Variants in PPP2R5C observed in about 807,000 individuals in gnomAD.
The protein encoded by PPP2R5C is serine/threonine-protein phosphatase 2A 56 kDa regulatory subunit gamma isoform.
A neutral mutation model predicts 68.9 loss-of-function variants in PPP2R5C; 7 were observed. That is an observed-to-expected ratio of 0.10 (90% CI 0.06 to 0.19). The LOEUF (loss-of-function observed/expected upper bound fraction) is 0.19, where lower values mean the gene tolerates loss of function less well. PPP2R5C is among the 10% of genes least tolerant of loss of function. PPP2R5C has a pLI of 1.00. For synonymous variants in PPP2R5C, 210 were observed against 222.2 expected (o/e 0.95, Z 0.49); for missense variants, 348 against 641.3 (o/e 0.54, Z 4.94).
chr14:101,812,282 C>T (rs1218952915), intron 1 of PPP2R5C, among the ~76,000 whole-genome samples: 3 of 152,192 alleles, frequency 2.0e-5, no homozygotes, highest in Non-Finnish European at 4.4e-5. Flanking sequence ...AGCATAGGAG[C>T]TCTGCCACGA....
chr14:101,924,860 T>G (rs941971122), intron 13 of PPP2R5C, among the ~76,000 whole-genome samples: 7 of 152,162 alleles, frequency 4.6e-5, no homozygotes, highest in African/African-American at 1.7e-4. Context: ...TTCTGCAAAT[T>G]AGAGGTACTG....
chr14:101,921,599 A>T (rs2047010433), intron 13 of PPP2R5C, among the ~76,000 whole-genome samples: 1 of 151,798 alleles, frequency 6.6e-6, no homozygotes, highest in South Asian at 2.1e-4. Flanking sequence ...GTAAGAAATG[A>T]TAGCTGAAAA....
intron 11 of PPP2R5C, among the ~76,000 whole-genome samples, chr14:101,911,900 T>C (rs2046413571): frequency 6.6e-6 from 1 of 151,266 alleles, no homozygotes; most frequent in Admixed American, 6.6e-5. Flanking sequence ...AAAAAAAAAC[T>C]TGGATCTGAG....
rs568461171 is a variant in PPP2R5C at position 101,811,871 on chromosome 14, T to A, written c.94+1835T>A. 2.0e-4 allele frequency among the ~76,000 whole-genome samples: 30 copies of A among 152,268 alleles called. No individual in the cohort carries two copies. The South Asian group carries it at 3.3e-3, about 17-fold the overall frequency. ...TCTTGAACCACATTGATTTTTTTTT[T>A]AAAATTCCAAGACCTTATTATGGCC... is the stretch of plus-strand genomic sequence containing the variant. On this transcript the variant is annotated intron_variant, in intron 1 of 13. Transcript: ENST00000334743.
Position 101,915,670 on chromosome 14 carries a change from C to G in PPP2R5C, c.1327-2161C>G, listed in dbSNP as rs2046631593. 6.6e-6 allele frequency among the ~76,000 whole-genome samples: 1 copy of G among 152,218 alleles called. No individual in the cohort carries two copies. Among genetic ancestry groups the G allele is most frequent in the Non-Finnish European group, 1.5e-5 (1 of 68,044 alleles). ...CTGTATCTCCCACCTGACTGTGAGC[C>G]CCCTCGAGGAAAGGTGCTGTGTCCT... On this transcript the variant is annotated intron_variant, in intron 12 of 13. Transcript: ENST00000334743. This position sits in a 1 kb window ranked among gnomAD's most constrained non-coding sequence, Gnocchi z 4.2.
rs562842182 is a variant in PPP2R5C, at chr14:101,838,534, C to T, written c.95-18152C>T. Among the ~76,000 whole-genome samples, 14 of 152,308 alleles carry T rather than the reference C, an allele frequency of 9.2e-5. No homozygotes were observed. The East Asian group carries it at 2.5e-3, about 27-fold the overall frequency. The stretch of plus-strand genomic sequence containing the variant: ...CTCTCATATGCTCTATATGTTGTAA[C>T]GAGCAGGCGGTCTTCCCAGCCCCTC... On this transcript the variant is annotated intron_variant, in intron 1 of 13. Transcript: ENST00000334743.
chr14:101,777,250 T>C (rs1201807848), intron 2 of PPP2R5C, among the ~76,000 whole-genome samples: 1 of 152,210 alleles, frequency 6.6e-6, no homozygotes, highest in African/African-American at 2.4e-5. Context: ...TTGTGAATAA[T>C]GCGCTGTGAA....
intron 2 of PPP2R5C, among the ~76,000 whole-genome samples, chr14:101,769,813 A>G (rs61993985): frequency 0.19 from 28,675 of 152,164 alleles, 3,739 homozygotes; most frequent in African/African-American, 0.36. Context: ...CTTCAAAATA[A>G]GATTTCCATT....
In PPP2R5C at chr14:101,899,039, A is replaced by G. The variant is rs1334837165; in HGVS notation, c.853-2680A>G. Reference sequence around the variant, plus strand: ...CTCAGGAATGTTTAAAGTAAGATCCACTTAGAAGACTGAGATATGAAGGAC... The same window carrying G: ...CTCAGGAATGTTTAAAGTAAGATCCGCTTAGAAGACTGAGATATGAAGGAC... On this transcript the variant is annotated intron_variant, in intron 8 of 13. Transcript: ENST00000334743. This position sits in a 1 kb window ranked among gnomAD's most constrained non-coding sequence, Gnocchi z 4.2. Among the ~76,000 whole-genome samples, 1 of 152,212 alleles carries G rather than the reference A, an allele frequency of 6.6e-6. No individual in the cohort carries two copies. The highest frequency in any genetic ancestry group is 1.5e-5 in the Non-Finnish European group (1 of 68,036).
intron 2 of PPP2R5C, among the ~76,000 whole-genome samples, chr14:101,860,519 A>G (rs766054447): frequency 2.2e-4 from 34 of 152,188 alleles, no homozygotes; most frequent in Admixed American, 2.0e-4. Flanking sequence ...CTTTTGTATG[A>G]ACGTGTGTTT....
intron 12 of PPP2R5C, chr14:101,912,708 TC>T: frequency 5.6e-6 from 5 of 886,110 alleles, no homozygotes; most frequent in Non-Finnish European, 7.5e-6. Context: ...TTAAATAAGA[TC>T]TGAATCTTAT....
chr14:101,864,311 C>T (rs1244167943), intron 2 of PPP2R5C, among the ~76,000 whole-genome samples: 2 of 152,130 alleles, frequency 1.3e-5, no homozygotes, highest in African/African-American at 4.8e-5. Flanking sequence ...TGGACCTCTC[C>T]AGAAATATCC....
chr14:101,896,982 A>G (rs1260476586), intron 8 of PPP2R5C, among the ~76,000 whole-genome samples: 3 of 151,012 alleles, frequency 2.0e-5, no homozygotes, highest in Admixed American at 6.6e-5. Flanking sequence ...GATTCCCTCC[A>G]TTTCACCCAC....
chr14:101,909,741 C>T, intron 11 of PPP2R5C, 51 bp downstream of exon 13: 1 of 1,322,152 alleles, frequency 7.6e-7, no homozygotes, highest in East Asian at 2.4e-5. Flanking sequence ...TTTCTTAATC[C>T]TAAGTAAACC....
intron 3 of PPP2R5C, chr14:101,789,638 A>G (rs1056188622): frequency 3.3e-5 from 5 of 152,274 alleles, no homozygotes; most frequent in Admixed American, 3.3e-4. Flanking sequence ...GCTGGTCTGT[A>G]GTTTTGTTCT....
At chr14:101,779,224 C>G (rs2037560003) in intron 2 of PPP2R5C, among the ~76,000 whole-genome samples, 1 of 152,102 alleles carries the variant, frequency 6.6e-6, no homozygotes, top group South Asian at 2.1e-4. Context: ...GAAGGAGACG[C>G]AGCAAGCTCC....
At chr14:101,807,106 G>A (rs1009296141), upstream of PPP2R5C, among the ~76,000 whole-genome samples, 49 of 152,160 alleles carry the variant, frequency 3.2e-4, no homozygotes, top group Non-Finnish European at 7.3e-5. Flanking sequence ...GGGATTTGGG[G>A]GGGTGGTTTT....
intron 8 of PPP2R5C, among the ~76,000 whole-genome samples, chr14:101,896,266 C>T (rs867069860): frequency 2.6e-5 from 4 of 151,756 alleles, no homozygotes; most frequent in African/African-American, 7.3e-5. Context: ...GTGATCCACC[C>T]GCCTCAGCCT....
intron 2 of PPP2R5C, among the ~76,000 whole-genome samples, chr14:101,767,572 C>G (rs2036922628): frequency 6.6e-6 from 1 of 152,082 alleles, no homozygotes; most frequent in Non-Finnish European, 1.5e-5. Flanking sequence ...CTCTTCCCAC[C>G]TTTTTTTCCA....
Sources: allele counts gnomAD v4.1 joint callset (sites outside exome capture counted in the v4.1 genomes callset), GRCh38; gene constraint gnomAD v4.1.1; non-coding constraint Gnocchi (gnomAD v3.1); transcripts MANE v1.5; gene names NCBI Gene and HGNC (gene_info 2026-07-23, HGNC 2026-07-21).